MACROD2: variants seen among roughly 807,000 people sequenced by gnomAD.
MACROD2 encodes the protein ADP-ribose glycohydrolase MACROD2.
MACROD2 carries 36 observed loss-of-function variants against 70.4 expected under a neutral mutation model. That is an observed-to-expected ratio of 0.51 (90% CI 0.39 to 0.68). The LOEUF (loss-of-function observed/expected upper bound fraction) is 0.68, where lower values mean the gene tolerates loss of function less well. Among genes scored for constraint, MACROD2 ranks in the 30% least tolerant of loss-of-function variants. The pLI is 0.00. For synonymous variants in MACROD2, 172 were observed against 178.8 expected (o/e 0.96, Z 0.30); for missense variants, 496 against 538.4 (o/e 0.92, Z 0.78).
chr20:15,822,340 G>A (rs1418083530), intron 8 of MACROD2, among the ~76,000 whole-genome samples: 2 of 151,990 alleles, frequency 1.3e-5, no homozygotes, highest in African/African-American at 4.8e-5. Flanking sequence ...TAGTCTCTAA[G>A]CCAAATGATA....
intron 8 of MACROD2, among the ~76,000 whole-genome samples, chr20:15,683,446 A>G (rs905659579): frequency 1.3e-5 from 2 of 152,228 alleles, no homozygotes; most frequent in Non-Finnish European, 2.9e-5. Flanking sequence ...AAAATAGAAA[A>G]TACTTTCAAA....
intron 3 of MACROD2, among the ~76,000 whole-genome samples, chr20:14,421,644 G>A (rs983809401): frequency 1.3e-5 from 2 of 152,014 alleles, no homozygotes; most frequent in African/African-American, 4.8e-5. Context: ...AATTTATTTT[G>A]TCATTTATTA....
chr20:15,528,889 A>G (rs1600539764), intron 8 of MACROD2, among the ~76,000 whole-genome samples: 1 of 152,130 alleles, frequency 6.6e-6, no homozygotes, highest in Non-Finnish European at 1.5e-5. Context: ...ACTGCTACCA[A>G]TACAGCATTC....
At chr20:15,911,659 G>A (rs1336530256) in intron 10 of MACROD2, among the ~76,000 whole-genome samples, 1 of 152,170 alleles carries the variant, frequency 6.6e-6, no homozygotes, top group African/African-American at 2.4e-5. Context: ...CAGTGTGGTG[G>A]GAGAAGTGAG....
At chr20:15,493,965 C>A (rs1468339122) in intron 7 of MACROD2, among the ~76,000 whole-genome samples, 1 of 152,200 alleles carries the variant, frequency 6.6e-6, no homozygotes, top group Non-Finnish European at 1.5e-5. Flanking sequence ...TCACTTCTGT[C>A]TCTTTTATTT....
intron 4 of MACROD2, among the ~76,000 whole-genome samples, chr20:14,607,154 A>G (rs1982857831): frequency 6.6e-6 from 1 of 152,136 alleles, no homozygotes; most frequent in Non-Finnish European, 1.5e-5. Flanking sequence ...TTTGGTTTCA[A>G]CAATGTGCAG....
chr20:15,853,100 CG>C (rs2064318363), intron 8 of MACROD2, among the ~76,000 whole-genome samples: 1 of 152,132 alleles, frequency 6.6e-6, no homozygotes, highest in Admixed American at 6.5e-5. Flanking sequence ...GGCTATACCT[CG>C]TCTTAACCTG....
At chr20:15,990,891 T>C (rs906317183) in intron 15 of MACROD2, among the ~76,000 whole-genome samples, 1 of 152,174 alleles carries the variant, frequency 6.6e-6, no homozygotes, top group Admixed American at 6.5e-5. Context: ...TCCAGTTTTA[T>C]AAATTTTCTT....
chr20:14,269,784 C>T (rs1002061206), intron 3 of MACROD2, among the ~76,000 whole-genome samples: 3 of 148,586 alleles, frequency 2.0e-5, no homozygotes, highest in Admixed American at 6.8e-5. Flanking sequence ...TTTTCTTCAG[C>T]GTCTTTGATA....
At chr20:15,671,696 G>A (rs780125970) in intron 8 of MACROD2, among the ~76,000 whole-genome samples, 26 of 152,182 alleles carry the variant, frequency 1.7e-4, no homozygotes, top group Admixed American at 6.5e-5. Context: ...ATGGAATCAT[G>A]GGAACATGTG....
chr20:14,273,501 A>G (rs1245611416), intron 3 of MACROD2, among the ~76,000 whole-genome samples: 3 of 148,132 alleles, frequency 2.0e-5, no homozygotes, highest in Non-Finnish European at 3.0e-5. Context: ...AGCAGTGTGT[A>G]GAGGGAAATT....
At chr20:15,801,797 A>G (rs1395927846) in intron 8 of MACROD2, among the ~76,000 whole-genome samples, 1 of 152,056 alleles carries the variant, frequency 6.6e-6, no homozygotes, top group Non-Finnish European at 1.5e-5. Flanking sequence ...TGTAGTGTGG[A>G]CATTTTTATT....
chr20:15,287,504 A>G (rs577125454), intron 6 of MACROD2, among the ~76,000 whole-genome samples: 1 of 152,336 alleles, frequency 6.6e-6, no homozygotes, highest in South Asian at 2.1e-4. Context: ...GAGGTACATG[A>G]CAAAGGACAG....
At chr20:15,054,734 A>C (rs2075469690) in intron 5 of MACROD2, among the ~76,000 whole-genome samples, 2 of 152,158 alleles carry the variant, frequency 1.3e-5, no homozygotes, top group South Asian at 4.2e-4. Context: ...ACCACATTAC[A>C]GAGGGAGAAT....
chr20:15,914,814 C>T (rs2065288904), intron 10 of MACROD2, among the ~76,000 whole-genome samples: 1 of 152,178 alleles, frequency 6.6e-6, no homozygotes, highest in African/African-American at 2.4e-5. Flanking sequence ...ACCTGTACTT[C>T]TGACAGACAA....
intron 3 of MACROD2, among the ~76,000 whole-genome samples, chr20:14,176,085 A>C (rs1282530231): frequency 2.0e-5 from 3 of 152,200 alleles, no homozygotes; most frequent in East Asian, 3.8e-4. Flanking sequence ...GTAAGTTTAC[A>C]TTGATCTTGG....
chr20:15,525,767 C>A (rs944757915), intron 8 of MACROD2, among the ~76,000 whole-genome samples: 13 of 152,108 alleles, frequency 8.5e-5, no homozygotes, highest in Non-Finnish European at 1.5e-5. Context: ...TTTTATCATC[C>A]TTTTTGGTGT....
rs1037844871 is a variant in MACROD2 at position 14,814,798 on chromosome 20, G to A, written c.418+129839G>A. On this transcript the variant is annotated intron_variant, in intron 5 of 17. Transcript: ENST00000684519. ...ATAATCAAAGAAATAATTGCAGAGC[G>A]TGGCACTGAGTATGATGATAAAAGT... Among the ~76,000 whole-genome samples, 5 of 151,942 alleles carry A rather than the reference G, an allele frequency of 3.3e-5. 1 individual carries two copies. Among genetic ancestry groups the A allele is most frequent in the Non-Finnish European group, 7.4e-5 (5 of 67,976 alleles).
intron 8 of MACROD2, among the ~76,000 whole-genome samples, chr20:15,739,219 T>C (rs2051068808): frequency 6.6e-6 from 1 of 152,146 alleles, no homozygotes; most frequent in Admixed American, 6.5e-5. Flanking sequence ...TCTGTGTTGA[T>C]TGGAAGCAAG....
Sources: allele counts gnomAD v4.1 joint callset (sites outside exome capture counted in the v4.1 genomes callset), GRCh38; gene constraint gnomAD v4.1.1; transcripts MANE v1.5; gene names NCBI Gene and HGNC (gene_info 2026-07-23, HGNC 2026-07-21).